HMGN5: variants seen among roughly 807,000 people sequenced by gnomAD.
HMGN5 encodes high mobility group nucleosome-binding domain-containing protein 5.
Under a neutral mutation model 9.5 loss-of-function variants are expected in HMGN5, and 4 were observed. The ratio of observed to expected loss-of-function variants is 0.42; its 90% confidence interval spans 0.21 to 0.96. The LOEUF (loss-of-function observed/expected upper bound fraction) is 0.96, where lower values mean the gene tolerates loss of function less well. Ranked by LOEUF, HMGN5 falls within the 40% of genes least tolerant of loss-of-function variation. The pLI, the probability that HMGN5 is intolerant of heterozygous loss-of-function variation, is 0.30. For missense variants in HMGN5, 192 were observed against 187.5 expected (o/e 1.02, Z -0.14); for synonymous variants, 55 against 57.1 (o/e 0.96, Z 0.16).
chrX:81,144,009 A>G (rs993384773), intron 1 of HMGN5, among the ~76,000 whole-genome samples: 1 of 111,690 alleles, frequency 9.0e-6, no homozygotes, highest in Non-Finnish European at 1.9e-5. Context: ...TCAGGGACAT[A>G]TAGATAAAAC....
chrX:81,147,942 T>C (rs1163156561), intron 1 of HMGN5, among the ~76,000 whole-genome samples: 1 of 111,411 alleles, frequency 9.0e-6, no homozygotes, highest in Non-Finnish European at 1.9e-5. Context: ...GAAGGACCTG[T>C]TCAAAGAGAA....
chrX:81,171,984 T>C (rs1002451123), intron 1 of HMGN5, among the ~76,000 whole-genome samples: 2 of 111,994 alleles, frequency 1.8e-5, no homozygotes, highest in African/African-American at 6.5e-5. Flanking sequence ...AGTGTAGCTC[T>C]ATTAAAAACA....
At chrX:81,138,068 T>G (rs1233217368) in intron 1 of HMGN5, among the ~76,000 whole-genome samples, 1 of 111,671 alleles carries the variant, frequency 9.0e-6, no homozygotes, top group Non-Finnish European at 1.9e-5. Context: ...CTTCCAAAAA[T>G]TCAAAGATAT....
chrX:81,149,624 A>G (rs1230752785), intron 1 of HMGN5, among the ~76,000 whole-genome samples: 1 of 112,113 alleles, frequency 8.9e-6, no homozygotes, highest in Non-Finnish European at 1.9e-5. Context: ...GTATAATAAT[A>G]AAAAATACAA....
chrX:81,152,210 C>G (rs933045921), intron 1 of HMGN5, among the ~76,000 whole-genome samples: 5 of 111,274 alleles, frequency 4.5e-5, no homozygotes, highest in Admixed American at 2.9e-4. Context: ...GACAGGCAAG[C>G]TACAAAATGG....
intron 1 of HMGN5, among the ~76,000 whole-genome samples, chrX:81,140,746 C>T (rs1246038132): frequency 2.7e-5 from 3 of 110,510 alleles, no homozygotes; most frequent in African/African-American, 9.9e-5. Context: ...CTGGTGGATA[C>T]AGTGCAAAAC....
At chrX:81,131,750 C>G in intron 1 of HMGN5, among the ~76,000 whole-genome samples, 1 of 111,452 alleles carries the variant, frequency 9.0e-6, no homozygotes, top group East Asian at 2.8e-4. Flanking sequence ...AACTCACAGC[C>G]TACATCACAC....
intron 1 of HMGN5, among the ~76,000 whole-genome samples, chrX:81,190,752 G>A (rs1001586484): frequency 9.0e-6 from 1 of 111,079 alleles, no homozygotes; most frequent in African/African-American, 3.3e-5. Flanking sequence ...TTATTGTAAC[G>A]GGTGTAAAAT....
chrX:81,188,640 C>T (rs1004973852), intron 1 of HMGN5, among the ~76,000 whole-genome samples: 1 of 108,685 alleles, frequency 9.2e-6, no homozygotes, highest in Non-Finnish European at 1.9e-5. Context: ...CCCCACCCCA[C>T]GACAGGCCCT....
At chrX:81,186,274 G>A (rs182407303) in intron 1 of HMGN5, among the ~76,000 whole-genome samples, 8 of 111,387 alleles carry the variant, frequency 7.2e-5, no homozygotes, top group East Asian at 2.8e-4. Flanking sequence ...TTTCTATTAC[G>A]GCTTCAATCT....
intron 1 of HMGN5, among the ~76,000 whole-genome samples, chrX:81,160,908 C>A (rs1216563161): frequency 9.0e-6 from 1 of 111,379 alleles, no homozygotes; most frequent in Admixed American, 9.6e-5. Flanking sequence ...GTGTCTTTCA[C>A]AGAGGACCTC....
intron 1 of HMGN5, among the ~76,000 whole-genome samples, chrX:81,194,384 G>A (rs1315318763): frequency 9.0e-6 from 1 of 110,853 alleles, no homozygotes; most frequent in Admixed American, 9.6e-5. Context: ...GCAACACATA[G>A]GGACAAAATG....
chrX:81,156,531 C>G (rs1472351548), intron 1 of HMGN5, among the ~76,000 whole-genome samples: 2 of 111,957 alleles, frequency 1.8e-5, no homozygotes, highest in Non-Finnish European at 3.8e-5. Context: ...TTCCTGATGA[C>G]TTATTTGAAA....
At chrX:81,162,413 C>T (rs1216625120) in intron 1 of HMGN5, among the ~76,000 whole-genome samples, 2 of 94,982 alleles carry the variant, frequency 2.1e-5, no homozygotes, top group Admixed American at 1.2e-4. Context: ...TTTTATGAAA[C>T]AAGGAAAGAT....
At chrX:81,133,965 T>C (rs1036022018) in intron 1 of HMGN5, among the ~76,000 whole-genome samples, 2 of 111,552 alleles carry the variant, frequency 1.8e-5, no homozygotes, top group Non-Finnish European at 3.8e-5. Context: ...GAGGTTTAGG[T>C]TTTTAGTAAA....
At chrX:81,166,026 G>A (rs914429975) in intron 1 of HMGN5, among the ~76,000 whole-genome samples, 3 of 110,682 alleles carry the variant, frequency 2.7e-5, no homozygotes, top group African/African-American at 9.9e-5. Context: ...GTGTGGGGGA[G>A]ATGGGGACTG....
intron 1 of HMGN5, among the ~76,000 whole-genome samples, chrX:81,157,786 A>T (rs965132571): frequency 1.4e-4 from 15 of 107,260 alleles, no homozygotes; most frequent in East Asian, 5.9e-4. Context: ...GGTAAAATAA[A>T]TTTTTTTTTT....
intron 1 of HMGN5, among the ~76,000 whole-genome samples, chrX:81,125,350 G>C (rs1192906568): frequency 9.0e-6 from 1 of 110,672 alleles, no homozygotes; most frequent in East Asian, 2.8e-4. Context: ...TTTTTTGTTG[G>C]TATTTTCAGA....
At chrX:81,192,508 A>T (rs889298420) in intron 1 of HMGN5, among the ~76,000 whole-genome samples, 2 of 111,693 alleles carry the variant, frequency 1.8e-5, no homozygotes, top group Admixed American at 1.9e-4. Context: ...AACTCACAAG[A>T]CATTTGTTAT....
Sources: gnomAD v4.1 joint callset for allele counts (sites outside exome capture counted in the v4.1 genomes callset) on GRCh38, gnomAD v4.1.1 for gene constraint, MANE v1.5 for transcripts, NCBI Gene and HGNC (gene_info 2026-07-23, HGNC 2026-07-21) for gene names.